FAM227A: variants seen among roughly 807,000 people sequenced by gnomAD.
The protein encoded by FAM227A is family with sequence similarity 227 member A.
Under a neutral mutation model 74.7 loss-of-function variants are expected in FAM227A, and 80 were observed. That is an observed-to-expected ratio of 1.07 (90% CI 0.89 to 1.29). The LOEUF is 1.29. Ranked by LOEUF, FAM227A falls within the 50% of genes most tolerant of loss-of-function variation. The pLI, the probability that FAM227A is intolerant of heterozygous loss-of-function variation, is 0.00. For missense variants in FAM227A, 654 were observed against 683.4 expected (o/e 0.96, Z 0.48); for synonymous variants, 237 against 241.8 (o/e 0.98, Z 0.19).
chr22:38,648,840 GTGGGTGCC>G (rs894757096), intron 2 of FAM227A, among the ~76,000 whole-genome samples: 10 of 151,706 alleles, frequency 6.6e-5, no homozygotes, highest in African/African-American at 2.4e-4. Flanking sequence ...AGACGTGGTG[GTGGGTGCC>G]TGTAATCTCG....
Position 38,650,215 on chromosome 22 carries a change from G to C in FAM227A, c.-47C>G. The C allele has an allele frequency of 2.6e-6, 4 of 1,538,122 alleles. No individual in the cohort carries two copies. The highest frequency in any genetic ancestry group is 3.5e-6 in the Non-Finnish European group (4 of 1,136,574). On this transcript the variant is annotated 5_prime_UTR_variant, in exon 2 of 17. Transcript: ENST00000535113. ...ACAAACAAAAAGCTTCCACTTTTAA[G>C]AGCCTCTCATTTCCCACTCCAATCT...
chr22:38,625,805 A>T (rs2091785388), intron 9 of FAM227A, among the ~76,000 whole-genome samples: 1 of 142,584 alleles, frequency 7.0e-6, no homozygotes. Context: ...TTAGCCGGGC[A>T]TGGTGGTACA....
In FAM227A at chr22:38,583,133, C is replaced by A. The variant is rs2090736041; in HGVS notation, c.*2992G>T. ...TCTGCCCCACATGGTGCCTTGTACTCGGCAGGTGCTCACACGTTCTGGTTT... is the reference window on the plus strand; with the variant it reads ...TCTGCCCCACATGGTGCCTTGTACTAGGCAGGTGCTCACACGTTCTGGTTT... On this transcript the variant is annotated 3_prime_UTR_variant, in exon 17 of 17. Coordinates refer to ENST00000535113, the MANE Select transcript of FAM227A (RefSeq NM_001013647.2). The A allele has an allele frequency of 3.4e-6, 2 of 581,226 alleles. No homozygotes were observed. The highest frequency in any genetic ancestry group is 3.1e-5 in the Admixed American group (1 of 32,150). The allele number at this position is 581,226 out of a possible 1,614,324, so 36.0% of individuals were successfully genotyped here. A position where few individuals can be genotyped will look rare whatever the true frequency, so the allele number is the denominator to read the frequency against.
At chr22:38,597,439 G>A in intron 14 of FAM227A, 83 bp from the exon 15 acceptor site, 2 of 1,337,696 alleles carry the variant, frequency 1.5e-6, no homozygotes, top group Non-Finnish European at 2.1e-6. Flanking sequence ...CAGTGCATGG[G>A]GAAGAGGGGC....
At chr22:38,601,774 T>C (rs1320733024) in intron 13 of FAM227A, among the ~76,000 whole-genome samples, 1 of 151,996 alleles carries the variant, frequency 6.6e-6, no homozygotes, top group Non-Finnish European at 1.5e-5. Context: ...CAACTCTACG[T>C]AGGTGTGAGA....
At chr22:38,643,208 C>T (rs1040638748) in intron 3 of FAM227A, among the ~76,000 whole-genome samples, 1 of 148,192 alleles carries the variant, frequency 6.7e-6, no homozygotes, top group African/African-American at 2.5e-5. Context: ...CCCAGCTACT[C>T]AGGAGGCCGA....
At chr22:38,598,776 A>T (rs918906355) in intron 14 of FAM227A, among the ~76,000 whole-genome samples, 3 of 152,118 alleles carry the variant, frequency 2.0e-5, no homozygotes, top group Admixed American at 1.3e-4. Context: ...GAAAAAAATG[A>T]GGCACAGAGA....
At chr22:38,630,296 G>A (rs534690089) in intron 6 of FAM227A, among the ~76,000 whole-genome samples, 34 of 152,348 alleles carry the variant, frequency 2.2e-4, no homozygotes, top group African/African-American at 7.5e-4. Context: ...TCATCCACTC[G>A]TAAGGAGCTC....
chr22:38,623,427 A>G (rs2145568566), intron 9 of FAM227A, 148 bp from the exon 10 acceptor site: 1 of 569,370 alleles, frequency 1.8e-6, no homozygotes, highest in South Asian at 2.4e-5. Context: ...CTATTTAAAA[A>G]GAAATTAAAA....
intron 4 of FAM227A, 39 bp downstream of exon 4, chr22:38,639,616 C>G (rs1364566871): frequency 1.9e-6 from 3 of 1,545,462 alleles, no homozygotes; most frequent in Non-Finnish European, 2.6e-6. Flanking sequence ...AAAACAAACC[C>G]CATGAAAAGA....
Position 38,605,362 on chromosome 22 carries a change from A to G in FAM227A, c.1127-14T>C. On this transcript the variant is annotated splice_polypyrimidine_tract_variant and intron_variant, in intron 12 of 16. Transcript: ENST00000535113. ...GACAATGATGCTCTGTCAATGTGACATTAGCAAGAAAATGACCATTAGGTT... is the reference window on the plus strand; with the variant it reads ...GACAATGATGCTCTGTCAATGTGACGTTAGCAAGAAAATGACCATTAGGTT... The G allele has an allele frequency of 6.7e-7, 1 of 1,481,938 alleles. No individual in the cohort carries two copies. Among genetic ancestry groups the G allele is most frequent in the Non-Finnish European group, 9.2e-7 (1 of 1,083,870 alleles). The allele number at this position is 1,481,938 out of a possible 1,614,324, so 91.8% of individuals were successfully genotyped here.
At chr22:38,645,131 C>T (rs1258254508) in intron 3 of FAM227A, among the ~76,000 whole-genome samples, 3 of 151,902 alleles carry the variant, frequency 2.0e-5, no homozygotes, top group Non-Finnish European at 4.4e-5. Context: ...GTGGCTCACG[C>T]CTGTAATCCT....
chr22:38,609,912 C>T (rs973303092), intron 11 of FAM227A, among the ~76,000 whole-genome samples: 4 of 152,016 alleles, frequency 2.6e-5, no homozygotes, highest in Non-Finnish European at 5.9e-5. Flanking sequence ...GCTGGGACTA[C>T]GGGCGCCCGC....
At chr22:38,631,811 G>A (rs1360250034) in intron 6 of FAM227A, among the ~76,000 whole-genome samples, 1 of 152,196 alleles carries the variant, frequency 6.6e-6, no homozygotes, top group African/African-American at 2.4e-5. Flanking sequence ...GCAGAACACT[G>A]TGACATTGGT....
chr22:38,610,068 C>T (rs1164188069), intron 11 of FAM227A, among the ~76,000 whole-genome samples: 7 of 151,214 alleles, frequency 4.6e-5, no homozygotes, highest in Non-Finnish European at 7.4e-5. Context: ...CCACTGGGCC[C>T]GGCCATTTTT....
chr22:38,605,293 T>G lies in FAM227A; in HGVS notation c.1182A>C (p.Ile394=). ...TATTCTCACATTCTCTTGCTTCTGA[T>G]ATCCTCTTGACTTCTTGCGTAGGTT... ...LKKPTQEVKR[I]SEARECENMF... is the part of the protein sequence containing the mutation. Residue 394 remains isoleucine (I), a synonymous_variant, in exon 13 of 17, where the codon ATA becomes ATC. Coordinates refer to ENST00000535113, the MANE Select transcript of FAM227A (RefSeq NM_001013647.2). The G allele has an allele frequency of 6.4e-7, 1 of 1,551,234 alleles. No homozygotes were observed. The highest frequency in any genetic ancestry group is 1.2e-5 in the South Asian group (1 of 84,034).
intron 14 of FAM227A, among the ~76,000 whole-genome samples, chr22:38,598,687 A>G (rs1450565674): frequency 6.6e-6 from 1 of 152,208 alleles, no homozygotes; most frequent in African/African-American, 2.4e-5. Flanking sequence ...TCTGCCAGGC[A>G]CTAGCCTTTA....
chr22:38,591,186 T>C (rs1031129404), intron 16 of FAM227A, among the ~76,000 whole-genome samples: 2 of 152,106 alleles, frequency 1.3e-5, no homozygotes, highest in African/African-American at 4.8e-5. Flanking sequence ...GAGCTGGGCA[T>C]GGTGGCACAC....
At chr22:38,615,350 C>A (rs1479532103) in intron 11 of FAM227A, among the ~76,000 whole-genome samples, 1 of 152,160 alleles carries the variant, frequency 6.6e-6, no homozygotes, top group Non-Finnish European at 1.5e-5. Context: ...GAGAGGGAGA[C>A]AAACTCTAAA....
Sources: gnomAD v4.1 joint callset for allele counts (sites outside exome capture counted in the v4.1 genomes callset) on GRCh38, gnomAD v4.1.1 for gene constraint, MANE v1.5 for transcripts, NCBI Gene and HGNC (gene_info 2026-07-23, HGNC 2026-07-21) for gene names.